ICA1L: variants seen among roughly 807,000 people sequenced by gnomAD.
ICA1L encodes the protein islet cell autoantigen 1-like protein.
ICA1L carries 50 observed loss-of-function variants against 61.3 expected under a neutral mutation model. That is an observed-to-expected ratio of 0.82 (90% CI 0.65 to 1.03). ICA1L has a LOEUF of 1.03. Ranked by LOEUF, ICA1L falls within the 50% of genes least tolerant of loss-of-function variation. The pLI, the probability that ICA1L is intolerant of heterozygous loss-of-function variation, is 0.00. For missense variants in ICA1L, 508 were observed against 556.7 expected (o/e 0.91, Z 0.88); for synonymous variants, 161 against 191.3 (o/e 0.84, Z 1.31).
chr2:202,870,673 T>C (rs1358204419), intron 1 of ICA1L: 1 of 152,148 alleles, frequency 6.6e-6, no homozygotes, highest in African/African-American at 2.4e-5. Flanking sequence ...CAGAACCAAA[T>C]AAATCAATAC....
chr2:202,777,827 T>C lies in ICA1L; in HGVS notation c.*1706A>G, dbSNP rs944390415. On this transcript the variant is annotated 3_prime_UTR_variant, in exon 13 of 13. Coordinates refer to ENST00000358299, the MANE Select transcript of ICA1L (RefSeq NM_001288622.3). ...CTTTTCTAAATAAGCCTGTTTAGAA[T>C]AGAACTAAGAGCACATGGAAGCTAC... 6.6e-6 allele frequency: 1 copy of C among 151,486 alleles called. No individual in the cohort carries two copies. The highest frequency in any genetic ancestry group is 2.4e-5 in the African/African-American group (1 of 41,172). The allele number at this position is 151,486 out of a possible 1,614,324, so 9.4% of individuals were successfully genotyped here.
At position 202,818,060 on chromosome 2, in the gene ICA1L, A is replaced by T. The variant is rs146605516; in HGVS notation, c.559-517T>A. On this transcript the variant is annotated intron_variant, in intron 5 of 12. Coordinates refer to ENST00000358299, the MANE Select transcript of ICA1L (RefSeq NM_001288622.3). ...TTAATTTATTCAACAAATATAAGGCACCTATTATATGCAAGGCATTGTTCT... is the reference window on the plus strand; with the variant it reads ...TTAATTTATTCAACAAATATAAGGCTCCTATTATATGCAAGGCATTGTTCT... Among the ~76,000 whole-genome samples, 214 of 152,348 alleles carry T rather than the reference A, an allele frequency of 1.4e-3. 1 individual carries two copies. Among genetic ancestry groups the T allele is most frequent in the African/African-American group, 4.9e-3 (203 of 41,586 alleles).
chr2:202,830,449 T>C (rs547371619), intron 1 of ICA1L, among the ~76,000 whole-genome samples: 1 of 152,290 alleles, frequency 6.6e-6, no homozygotes, highest in African/African-American at 2.4e-5. Context: ...GAAGTTATTC[T>C]TAACAAGGTT....
At chr2:202,851,720 G>T (rs1361149708) in intron 1 of ICA1L, among the ~76,000 whole-genome samples, 2 of 152,166 alleles carry the variant, frequency 1.3e-5, no homozygotes, top group Non-Finnish European at 2.9e-5. Context: ...GTGTCAGATG[G>T]TATCTCATGG....
intron 12 of ICA1L, among the ~76,000 whole-genome samples, chr2:202,780,717 C>A (rs1486128040): frequency 6.6e-6 from 1 of 152,074 alleles, no homozygotes; most frequent in Non-Finnish European, 1.5e-5. Context: ...GATCCAGAGC[C>A]CAAGGATCAG....
intron 1 of ICA1L, among the ~76,000 whole-genome samples, chr2:202,850,449 C>G (rs1305921228): frequency 6.6e-6 from 1 of 152,064 alleles, no homozygotes; most frequent in Non-Finnish European, 1.5e-5. Flanking sequence ...CATAAATGAC[C>G]TGATGGAGCT....
chr2:202,780,769 C>T (rs906613915), intron 12 of ICA1L, among the ~76,000 whole-genome samples: 3 of 152,114 alleles, frequency 2.0e-5, no homozygotes, highest in Non-Finnish European at 2.9e-5. Context: ...AGTTCTGTTT[C>T]TGAGTACCCT....
intron 1 of ICA1L, chr2:202,841,086 A>AT: frequency 1.6e-6 from 1 of 638,698 alleles, no homozygotes; most frequent in Admixed American, 1.9e-5. Flanking sequence ...CAGCTTCTGG[A>AT]TCTCCTCTTC....
chr2:202,786,611 A>G (rs1692593448), intron 11 of ICA1L: 6 of 344,152 alleles, frequency 1.7e-5, no homozygotes, highest in Non-Finnish European at 3.4e-5. Flanking sequence ...GAAGTTCTAA[A>G]GAGTCAAGAA....
chr2:202,806,448 T>G (rs1693228049), intron 9 of ICA1L, among the ~76,000 whole-genome samples: 1 of 151,946 alleles, frequency 6.6e-6, no homozygotes, highest in East Asian at 1.9e-4. Context: ...GAGTTTGAGA[T>G]CAGCCTGGGC....
At chr2:202,866,763 T>C (rs549778475) in intron 1 of ICA1L, among the ~76,000 whole-genome samples, 1 of 152,194 alleles carries the variant, frequency 6.6e-6, no homozygotes, top group South Asian at 2.1e-4. Flanking sequence ...CTGGCCAATA[T>C]GGTGAAACCC....
intron 3 of ICA1L, among the ~76,000 whole-genome samples, chr2:202,822,540 A>G (rs956784269): frequency 6.6e-5 from 10 of 152,332 alleles, no homozygotes; most frequent in Admixed American, 5.2e-4. Flanking sequence ...TGAAACAAAA[A>G]AAGGTCCTTC....
intron 1 of ICA1L, among the ~76,000 whole-genome samples, chr2:202,868,144 T>C (rs1471082780): frequency 1.3e-5 from 2 of 152,076 alleles, no homozygotes; most frequent in African/African-American, 4.8e-5. Context: ...TTCGAAACGG[T>C]TGTTTGGGTT....
intron 1 of ICA1L, among the ~76,000 whole-genome samples, chr2:202,867,696 G>A (rs143145372): frequency 6.6e-6 from 1 of 152,216 alleles, no homozygotes; most frequent in East Asian, 1.9e-4. Flanking sequence ...ACCCCCATTT[G>A]ATCTTGCTAA....
chr2:202,827,719 T>C (rs1693888628), intron 2 of ICA1L, among the ~76,000 whole-genome samples: 1 of 152,164 alleles, frequency 6.6e-6, no homozygotes, highest in East Asian at 1.9e-4. Context: ...ACACCAATAA[T>C]AATAAAGTCT....
chr2:202,821,315 C>T, intron 4 of ICA1L, 43 bp downstream of exon 4: 1 of 1,591,108 alleles, frequency 6.3e-7, no homozygotes, highest in Admixed American at 1.8e-5. Flanking sequence ...TCAAAACTGT[C>T]AGATTGACTA....
chr2:202,862,855 TATAA>T (rs1163360061), intron 1 of ICA1L, among the ~76,000 whole-genome samples: 5 of 150,598 alleles, frequency 3.3e-5, no homozygotes, highest in East Asian at 3.9e-4. Flanking sequence ...AAAGAATAAA[TATAA>T]ATAAATAAAT....
chr2:202,846,955 C>G (rs1574375629), intron 1 of ICA1L, among the ~76,000 whole-genome samples: 1 of 152,168 alleles, frequency 6.6e-6, no homozygotes, highest in African/African-American at 2.4e-5. Context: ...TAATTAATAA[C>G]AGAAATAGGA....
chr2:202,805,562 A>G (rs753690297), intron 9 of ICA1L, among the ~76,000 whole-genome samples: 1 of 151,934 alleles, frequency 6.6e-6, no homozygotes, highest in Non-Finnish European at 1.5e-5. Context: ...AAAGCAAGAC[A>G]ACAACAACAA....
Sources: gnomAD v4.1 joint callset for allele counts (sites outside exome capture counted in the v4.1 genomes callset) on GRCh38, gnomAD v4.1.1 for gene constraint, MANE v1.5 for transcripts, NCBI Gene and HGNC (gene_info 2026-07-23, HGNC 2026-07-21) for gene names.